CDH4: variants seen among roughly 807,000 people sequenced by gnomAD.
The protein encoded by CDH4 is cadherin-4.
A neutral mutation model predicts 86.0 loss-of-function variants in CDH4; 33 were observed. The ratio of observed to expected loss-of-function variants is 0.38; its 90% CI spans 0.29 to 0.51. The LOEUF is 0.51. Among genes scored for constraint, CDH4 ranks in the 20% least tolerant of loss-of-function variants. The probability of loss-of-function intolerance (pLI) is 0.86; values close to 1 mark genes in which losing one functional copy is unlikely to be tolerated. For synonymous variants in CDH4, 555 were observed against 549.4 expected (o/e 1.01, Z -0.14); for missense variants, 1,114 against 1,307.4 (o/e 0.85, Z 2.28).
At chr20:61,418,209 CTTT>C (rs11475784) in intron 2 of CDH4, among the ~76,000 whole-genome samples, 4 of 134,726 alleles carry the variant, frequency 3.0e-5, no homozygotes, top group Non-Finnish European at 4.7e-5. Flanking sequence ...TCTTTTTTTT[CTTT>C]TTTTTTTTTT....
chr20:61,627,325 G>A (rs1014007513), intron 2 of CDH4, among the ~76,000 whole-genome samples: 7 of 152,160 alleles, frequency 4.6e-5, no homozygotes, highest in Non-Finnish European at 7.3e-5. Context: ...CCTGCCTGCC[G>A]GCTTCAGGCC....
chr20:61,831,550 G>A (rs188896497), intron 4 of CDH4, among the ~76,000 whole-genome samples: 13 of 152,310 alleles, frequency 8.5e-5, no homozygotes, highest in Non-Finnish European at 1.5e-4. Flanking sequence ...CCAGCTTTTC[G>A]CTAGCTTCTG....
chr20:61,855,700 G>A (rs778703520), intron 6 of CDH4, among the ~76,000 whole-genome samples: 37 of 152,238 alleles, frequency 2.4e-4, no homozygotes, highest in Admixed American at 1.4e-3. Context: ...AGCAAATTGC[G>A]GAGACGTGGC....
At chr20:61,752,263 T>C (rs1284047739) in intron 3 of CDH4, among the ~76,000 whole-genome samples, 1 of 137,590 alleles carries the variant, frequency 7.3e-6, no homozygotes, top group African/African-American at 2.8e-5. Flanking sequence ...GCCCGAGAGG[T>C]AGAGGTTGCA....
chr20:61,656,544 G>T (rs1055741919), intron 2 of CDH4, among the ~76,000 whole-genome samples: 1 of 152,092 alleles, frequency 6.6e-6, no homozygotes, highest in African/African-American at 2.4e-5. Context: ...GCTGTTGTGG[G>T]GCGCAGCCTC....
chr20:61,484,335 G>A (rs779791512), intron 2 of CDH4, among the ~76,000 whole-genome samples: 3 of 152,030 alleles, frequency 2.0e-5, no homozygotes, highest in Non-Finnish European at 4.4e-5. Flanking sequence ...TCTGCCCACC[G>A]CAACCCCCAC....
At chr20:61,644,743 G>A (rs903285013) in intron 2 of CDH4, among the ~76,000 whole-genome samples, 18 of 152,136 alleles carry the variant, frequency 1.2e-4, no homozygotes, top group African/African-American at 3.1e-4. Context: ...TCCTGGCTTC[G>A]TGGAGTTCTG....
intron 9 of CDH4, among the ~76,000 whole-genome samples, chr20:61,912,251 A>G (rs1383497238): frequency 6.6e-6 from 1 of 152,230 alleles, no homozygotes; most frequent in Non-Finnish European, 1.5e-5. Flanking sequence ...AAGACACTGC[A>G]TAACATAATT....
At chr20:61,743,036 C>T (rs561735454) in intron 2 of CDH4, among the ~76,000 whole-genome samples, 3 of 152,344 alleles carry the variant, frequency 2.0e-5, no homozygotes, top group South Asian at 2.1e-4. Flanking sequence ...ACAGCAGAGC[C>T]GAGTTCTGCT....
intron 2 of CDH4, among the ~76,000 whole-genome samples, chr20:61,344,449 T>C (rs2084665764): frequency 6.6e-6 from 1 of 152,240 alleles, no homozygotes; most frequent in African/African-American, 2.4e-5. Context: ...TTTTCAAAAA[T>C]ACAGATATAA....
At chr20:61,715,235 G>A (rs2087940211) in intron 2 of CDH4, among the ~76,000 whole-genome samples, 2 of 152,124 alleles carry the variant, frequency 1.3e-5, no homozygotes, top group African/African-American at 4.8e-5. Context: ...TCATGTCATT[G>A]GCTCACTTTT....
intron 2 of CDH4, among the ~76,000 whole-genome samples, chr20:61,710,573 A>C (rs1344480821): frequency 6.6e-6 from 1 of 152,016 alleles, no homozygotes; most frequent in Non-Finnish European, 1.5e-5. Context: ...CATCCAGGGA[A>C]CTCCACAGCC....
At chr20:61,337,295 G>GTGA (rs79084521) in intron 2 of CDH4, among the ~76,000 whole-genome samples, 424 of 522 alleles carry the variant, frequency 0.81, 203 homozygotes, top group African/African-American at 0.86. Flanking sequence ...AACACTAATG[G>GTGA]TGATGATAAT....
At chr20:61,645,362 C>G (rs995646639) in intron 2 of CDH4, among the ~76,000 whole-genome samples, 1 of 152,220 alleles carries the variant, frequency 6.6e-6, no homozygotes, top group Admixed American at 6.5e-5. Context: ...TGCAGCTGCT[C>G]ACACCTATAA....
chr20:61,254,661 A>G (rs1600808899), intron 1 of CDH4, among the ~76,000 whole-genome samples, 165 bp from the exon 2 acceptor site: 1 of 152,206 alleles, frequency 6.6e-6, no homozygotes, highest in Admixed American at 6.5e-5. Context: ...TAAAGTCCCC[A>G]GAGAGCAGAG....
At chr20:61,419,696 C>T (rs970221749) in intron 2 of CDH4, among the ~76,000 whole-genome samples, 5 of 152,160 alleles carry the variant, frequency 3.3e-5, no homozygotes, top group African/African-American at 1.2e-4. Flanking sequence ...CAGGCATGGC[C>T]CATGCTGTCC....
At chr20:61,318,453 T>A (rs1248326726) in intron 2 of CDH4, among the ~76,000 whole-genome samples, 2 of 152,184 alleles carry the variant, frequency 1.3e-5, no homozygotes, top group African/African-American at 4.8e-5. Context: ...TTTTTTCTCC[T>A]TTACCCCTTG....
At chr20:61,358,867 G>T (rs1208867856) in intron 2 of CDH4, among the ~76,000 whole-genome samples, 1 of 152,196 alleles carries the variant, frequency 6.6e-6, no homozygotes, top group African/African-American at 2.4e-5. Flanking sequence ...GAGCCGTCAT[G>T]CGGCATGCTC....
chr20:61,613,506 C>T (rs1346814176), intron 2 of CDH4, among the ~76,000 whole-genome samples: 1 of 150,688 alleles, frequency 6.6e-6, no homozygotes, highest in Non-Finnish European at 1.5e-5. Flanking sequence ...ATCACCTCCA[C>T]AGTGGTGTTA....
Sources: gnomAD v4.1 joint callset for allele counts (sites outside exome capture counted in the v4.1 genomes callset) on GRCh38, gnomAD v4.1.1 for gene constraint, MANE v1.5 for transcripts, NCBI Gene and HGNC (gene_info 2026-07-23, HGNC 2026-07-21) for gene names.